Variants in RUNX1 observed in about 807,000 individuals in gnomAD.
RUNX1 encodes the protein runt-related transcription factor 1.
A neutral mutation model predicts 42.8 loss-of-function variants in RUNX1; 19 were observed. The ratio of observed to expected loss-of-function variants is 0.44; its 90% CI spans 0.31 to 0.65. The LOEUF (loss-of-function observed/expected upper bound fraction) is 0.65. Among genes scored for constraint, RUNX1 ranks in the 30% least tolerant of loss-of-function variants. RUNX1 has a pLI of 0.07. For synonymous variants in RUNX1, 271 were observed against 289.4 expected (o/e 0.94, Z 0.64); for missense variants, 528 against 672.0 (o/e 0.79, Z 2.37).
At chr21:34,867,861 C>T (rs1226703583) in intron 5 of RUNX1, among the ~76,000 whole-genome samples, 10 of 152,144 alleles carry the variant, frequency 6.6e-5, no homozygotes, top group Non-Finnish European at 1.5e-4. Flanking sequence ...CCAGATTTAC[C>T]AGTCTTCACT....
chr21:34,878,369 A>G (rs1330502298), intron 5 of RUNX1, among the ~76,000 whole-genome samples: 1 of 149,744 alleles, frequency 6.7e-6, no homozygotes, highest in African/African-American at 2.4e-5. Flanking sequence ...AAATATATAT[A>G]TATATATACA....
At chr21:34,989,741 G>C (rs1261356027) in intron 2 of RUNX1, among the ~76,000 whole-genome samples, 1 of 152,184 alleles carries the variant, frequency 6.6e-6, no homozygotes, top group Non-Finnish European at 1.5e-5. Context: ...GAAATGTCTA[G>C]TAAGATTTCT....
intron 2 of RUNX1, chr21:35,038,531 G>C (rs1198683297): frequency 2.2e-6 from 1 of 453,434 alleles, no homozygotes; most frequent in Non-Finnish European, 4.4e-6. Flanking sequence ...CTGGGGAGAA[G>C]TCCCAATGGA....
At chr21:34,886,798 C>A in intron 4 of RUNX1, 45 bp downstream of exon 4, 1 of 1,610,678 alleles carries the variant, frequency 6.2e-7, no homozygotes, top group Non-Finnish European at 8.5e-7. Flanking sequence ...CCCCCGGCCT[C>A]GCCGGCCTCC....
In RUNX1 at chr21:34,975,187, C is replaced by T. The variant is rs1424672759; in HGVS notation, c.58+73655G>A. 7.9e-5 allele frequency among the ~76,000 whole-genome samples: 12 copies of T among 152,364 alleles called. 1 individual carries two copies. The East Asian group carries it at 2.3e-3, about 29-fold the overall frequency. On this transcript the variant is annotated intron_variant, in intron 2 of 8. Coordinates refer to ENST00000675419, the MANE Select transcript of RUNX1 (RefSeq NM_001754.5). ...ACTTCCCCCTGGATCTTTTCCCTAG[C>T]TATTTTCATTAGACCTCAATACCTA...
intron 7 of RUNX1, among the ~76,000 whole-genome samples, chr21:34,810,778 C>A (rs1383899889): frequency 1.3e-5 from 2 of 152,186 alleles, no homozygotes; most frequent in East Asian, 3.8e-4. Context: ...ACAGTCTTCT[C>A]TCCCCTGCCC....
chr21:35,012,291 A>G (rs2059131571), intron 2 of RUNX1, among the ~76,000 whole-genome samples: 1 of 152,158 alleles, frequency 6.6e-6, no homozygotes, highest in South Asian at 2.1e-4. Context: ...CAAAAGCCCA[A>G]ATACCCACAT....
At chr21:34,830,458 A>G (rs2057047423) in intron 7 of RUNX1, among the ~76,000 whole-genome samples, 1 of 152,216 alleles carries the variant, frequency 6.6e-6, no homozygotes, top group Admixed American at 6.5e-5. Context: ...ACATCTAATT[A>G]TAATAGAACA....
chr21:34,822,777 A>G (rs565378305), intron 7 of RUNX1, among the ~76,000 whole-genome samples: 1 of 152,234 alleles, frequency 6.6e-6, no homozygotes, highest in Non-Finnish European at 1.5e-5. Flanking sequence ...TTGCTATCTG[A>G]TATGTGCGGA....
chr21:34,816,017 A>G (rs1269438282), intron 7 of RUNX1, among the ~76,000 whole-genome samples: 1 of 152,092 alleles, frequency 6.6e-6, no homozygotes, highest in Non-Finnish European at 1.5e-5. Context: ...GGCCCAAGAA[A>G]GGGCAGGTGG....
intron 2 of RUNX1, among the ~76,000 whole-genome samples, chr21:34,954,515 C>T (rs1460381144): frequency 6.6e-6 from 1 of 152,098 alleles, no homozygotes; most frequent in African/African-American, 2.4e-5. Flanking sequence ...CTGACTTCTC[C>T]CTCTGGTGTT....
chr21:34,873,913 C>A (rs1422409502), intron 5 of RUNX1, among the ~76,000 whole-genome samples: 1 of 152,188 alleles, frequency 6.6e-6, no homozygotes, highest in Non-Finnish European at 1.5e-5. Context: ...TGAAGTGCTG[C>A]GATCTGTCCC....
intron 6 of RUNX1, 26 bp from the exon 7 acceptor site, chr21:34,834,627 G>T: frequency 1.3e-6 from 2 of 1,530,588 alleles, no homozygotes; most frequent in Non-Finnish European, 9.0e-7. Flanking sequence ...GGGAGGGGAG[G>T]GGATGGGGGG....
intron 7 of RUNX1, among the ~76,000 whole-genome samples, chr21:34,831,516 A>G (rs543550493): frequency 3.9e-5 from 6 of 152,312 alleles, no homozygotes; most frequent in Admixed American, 3.3e-4. Context: ...CTAGCAAGGT[A>G]GGGTTCCTGA....
intron 5 of RUNX1, among the ~76,000 whole-genome samples, chr21:34,876,662 TAGAA>T (rs2057819071): frequency 6.6e-6 from 1 of 152,118 alleles, no homozygotes; most frequent in Non-Finnish European, 1.5e-5. Flanking sequence ...AAGAAAAAAC[TAGAA>T]AGAAATGTGC....
chr21:34,974,057 ATGC>A (rs2058782166), intron 2 of RUNX1, among the ~76,000 whole-genome samples: 2 of 152,260 alleles, frequency 1.3e-5, no homozygotes, highest in Admixed American at 1.3e-4. Flanking sequence ...GCTTTAGGCT[ATGC>A]TCCTCCCACC....
intron 7 of RUNX1, among the ~76,000 whole-genome samples, chr21:34,814,132 T>G (rs1372395591): frequency 6.6e-6 from 1 of 152,228 alleles, no homozygotes; most frequent in East Asian, 1.9e-4. Flanking sequence ...TGTGAGATCC[T>G]GAGCTTGGTG....
At chr21:35,035,910 C>G (rs993325439) in intron 2 of RUNX1, among the ~76,000 whole-genome samples, 4 of 152,188 alleles carry the variant, frequency 2.6e-5, no homozygotes, top group African/African-American at 9.6e-5. Context: ...ACAACTCCAA[C>G]TGCTTCCATG....
chr21:34,788,933 A>G lies in RUNX1; in HGVS notation c.*3202T>C, dbSNP rs1257594312. 2.1e-5 allele frequency: 5 copies of G among 233,388 alleles called. No individual in the cohort carries two copies. Among genetic ancestry groups the G allele is most frequent in the Admixed American group, 1.1e-4 (2 of 17,812 alleles). The allele number at this position is 233,388 out of a possible 1,614,324, so 14.5% of individuals were successfully genotyped here. A position where few individuals can be genotyped will look rare whatever the true frequency, so the allele number is the denominator to read the frequency against. On this transcript the variant is annotated 3_prime_UTR_variant, in exon 9 of 9. Transcript: ENST00000675419. ...CCCAAAGAAACAGGTATTTCAAGGC[A>G]GAAATCTGCAATCCTAAATTGCAGG...
Sources: allele counts gnomAD v4.1 joint callset (sites outside exome capture counted in the v4.1 genomes callset), GRCh38; gene constraint gnomAD v4.1.1; transcripts MANE v1.5; gene names NCBI Gene and HGNC (gene_info 2026-07-23, HGNC 2026-07-21).